FER: variants seen among roughly 807,000 people sequenced by gnomAD.
FER encodes FER tyrosine kinase.
FER carries 63 observed loss-of-function variants against 111.0 expected under a neutral mutation model. The observed-to-expected ratio is 0.57, with a 90% CI of 0.46 to 0.70. The LOEUF (loss-of-function observed/expected upper bound fraction) is 0.70. Among genes scored for constraint, FER ranks in the 30% least tolerant of loss-of-function variants. The pLI is 0.00. For missense variants in FER, 914 were observed against 954.0 expected (o/e 0.96, Z 0.55); for synonymous variants, 327 against 313.9 (o/e 1.04, Z -0.44).
At chr5:109,001,912 G>C (rs1335363730) in intron 13 of FER, among the ~76,000 whole-genome samples, 4 of 152,194 alleles carry the variant, frequency 2.6e-5, no homozygotes, top group Non-Finnish European at 5.9e-5. Context: ...AAATACCTAG[G>C]AATCCAACTT....
chr5:109,173,490 A>G (rs553733498), intron 17 of FER, among the ~76,000 whole-genome samples: 183 of 152,286 alleles, frequency 1.2e-3, no homozygotes, highest in African/African-American at 4.4e-3. Flanking sequence ...GCCCTATACA[A>G]ATTTTTTTAT....
intron 16 of FER, among the ~76,000 whole-genome samples, chr5:109,067,520 G>C (rs1283156149): frequency 1.3e-5 from 2 of 151,730 alleles, no homozygotes; most frequent in Non-Finnish European, 2.9e-5. Context: ...CTTATACACT[G>C]TTCTGCCCTC....
chr5:108,951,682 A>C (rs924027540), intron 11 of FER, among the ~76,000 whole-genome samples: 5 of 152,190 alleles, frequency 3.3e-5, no homozygotes, highest in African/African-American at 1.2e-4. Flanking sequence ...CAAGCTCAGT[A>C]AGGGTTTTAC....
chr5:109,137,525 T>G (rs1171702993), intron 17 of FER, among the ~76,000 whole-genome samples: 2 of 152,158 alleles, frequency 1.3e-5, no homozygotes, highest in African/African-American at 4.8e-5. Context: ...GGCTTCCAAT[T>G]GTAGAGAATA....
At chr5:108,857,613 A>T (rs924152413) in intron 5 of FER, among the ~76,000 whole-genome samples, 1 of 152,164 alleles carries the variant, frequency 6.6e-6, no homozygotes, top group Non-Finnish European at 1.5e-5. Context: ...TTCCTGCCTA[A>T]ATCATTTATT....
At chr5:108,809,413 C>T (rs766428033) in intron 3 of FER, among the ~76,000 whole-genome samples, 1 of 152,218 alleles carries the variant, frequency 6.6e-6, no homozygotes, top group Non-Finnish European at 1.5e-5. Context: ...TTTTTCAACT[C>T]CATAAGCTCT....
At chr5:109,164,765 C>G (rs1249246700) in intron 17 of FER, among the ~76,000 whole-genome samples, 1 of 152,054 alleles carries the variant, frequency 6.6e-6, no homozygotes, top group Admixed American at 6.6e-5. Flanking sequence ...AACAGTCTTG[C>G]CTTTTACATC....
intron 17 of FER, among the ~76,000 whole-genome samples, chr5:109,157,429 G>GT (rs1755521006): frequency 6.6e-6 from 1 of 151,926 alleles, no homozygotes; most frequent in African/African-American, 2.4e-5. Context: ...TGTCATTTTT[G>GT]TAAACCATTG....
At chr5:108,772,890 G>C (rs1263200039) in intron 2 of FER, among the ~76,000 whole-genome samples, 1 of 152,168 alleles carries the variant, frequency 6.6e-6, no homozygotes, top group African/African-American at 2.4e-5. Context: ...TAGTCTTTCA[G>C]AAATGCATAC....
chr5:109,073,150 A>G (rs1775957137), intron 16 of FER, among the ~76,000 whole-genome samples: 2 of 152,154 alleles, frequency 1.3e-5, no homozygotes, highest in Admixed American at 1.3e-4. Context: ...TGGGGGGACA[A>G]TGTTCAACCT....
chr5:108,752,371 C>A (rs1418617084), intron 1 of FER, among the ~76,000 whole-genome samples: 10 of 151,998 alleles, frequency 6.6e-5, no homozygotes, highest in Non-Finnish European at 8.8e-5. Flanking sequence ...ACTTTGATTT[C>A]TTCTGTAACA....
chr5:109,052,373 G>A (rs1415984082), intron 16 of FER: 6 of 1,577,242 alleles, frequency 3.8e-6, no homozygotes, highest in African/African-American at 2.7e-5. Context: ...AAAATGAAAA[G>A]TACTGACAGC....
At chr5:108,798,057 C>G (rs576793284) in intron 2 of FER, 67 bp from the exon 3 acceptor site, 8 of 482,836 alleles carry the variant, frequency 1.7e-5, no homozygotes, top group African/African-American at 1.5e-4. Flanking sequence ...TCTATCATAA[C>G]TTTTTTTTTT....
intron 17 of FER, among the ~76,000 whole-genome samples, chr5:109,146,352 C>T (rs1407130499): frequency 7.2e-6 from 1 of 139,056 alleles, no homozygotes; most frequent in African/African-American, 2.7e-5. Flanking sequence ...AGAACCAGGT[C>T]CAGCTCTTTC....
chr5:108,958,780 G>A (rs751079114), intron 12 of FER, among the ~76,000 whole-genome samples: 12 of 151,720 alleles, frequency 7.9e-5, no homozygotes, highest in Admixed American at 2.0e-4. Flanking sequence ...CATCAGATTG[G>A]ATATCTTTCC....
At chr5:109,069,399 G>C (rs1456677584) in intron 16 of FER, among the ~76,000 whole-genome samples, 2 of 152,154 alleles carry the variant, frequency 1.3e-5, no homozygotes, top group African/African-American at 4.8e-5. Context: ...TAGAGGACAA[G>C]AGATCTTTAG....
intron 5 of FER, among the ~76,000 whole-genome samples, chr5:108,858,740 C>T (rs1176771495): frequency 6.7e-6 from 1 of 149,370 alleles, no homozygotes; most frequent in Non-Finnish European, 1.5e-5. Context: ...AAAATGACAA[C>T]ATTTGAGTTG....
At chr5:108,825,355 G>A (rs561363757) in intron 3 of FER, among the ~76,000 whole-genome samples, 200 of 152,296 alleles carry the variant, frequency 1.3e-3, no homozygotes, top group African/African-American at 4.3e-3. Context: ...TCTCTTTCTG[G>A]GGGACGTTCC....
intron 13 of FER, among the ~76,000 whole-genome samples, chr5:109,020,022 C>G (rs1485061619): frequency 6.6e-6 from 1 of 151,964 alleles, no homozygotes; most frequent in Non-Finnish European, 1.5e-5. Context: ...ATGTGTCTTA[C>G]TGCTTTGCAG....
Sources: gnomAD v4.1 joint callset for allele counts (sites outside exome capture counted in the v4.1 genomes callset) on GRCh38, gnomAD v4.1.1 for gene constraint, MANE v1.5 for transcripts, NCBI Gene and HGNC (gene_info 2026-07-23, HGNC 2026-07-21) for gene names.